The following PIK3R3 variants were observed in gnomAD, a reference collection of about 807,000 sequenced individuals.
PIK3R3 encodes phosphatidylinositol 3-kinase regulatory subunit gamma.
Under a neutral mutation model 62.9 loss-of-function variants are expected in PIK3R3, and 64 were observed. The observed-to-expected ratio is 1.02, with a 90% CI of 0.83 to 1.25. The LOEUF (loss-of-function observed/expected upper bound fraction) is 1.25, where lower values mean the gene tolerates loss of function less well. Ranked by LOEUF, PIK3R3 falls within the 50% of genes most tolerant of loss-of-function variation. The pLI is 0.00. For missense variants in PIK3R3, 614 were observed against 561.6 expected (o/e 1.09, Z -0.94); for synonymous variants, 165 against 189.0 (o/e 0.87, Z 1.04).
At chr1:46,088,113 G>A (rs75490316) in intron 1 of PIK3R3, among the ~76,000 whole-genome samples, 28,448 of 152,188 alleles carry the variant, frequency 0.19, 3,288 homozygotes, top group Non-Finnish European at 0.26. Context: ...AGCTGAGTGT[G>A]ATGGCTCATG....
chr1:46,118,188 A>G (rs1654353025), intron 1 of PIK3R3, among the ~76,000 whole-genome samples: 1 of 152,238 alleles, frequency 6.6e-6, no homozygotes, highest in African/African-American at 2.4e-5. Flanking sequence ...GCATATGGAG[A>G]AATACAAAGC....
intron 1 of PIK3R3, among the ~76,000 whole-genome samples, chr1:46,127,235 G>C (rs1934253): frequency 2.0e-5 from 3 of 151,576 alleles, no homozygotes; most frequent in African/African-American, 7.3e-5. Context: ...CCATCTCCTA[G>C]AGAGGCTGAA....
upstream of PIK3R3, chr1:46,132,831 A>C (rs371822200): frequency 3.6e-5 from 44 of 1,215,332 alleles, no homozygotes; most frequent in African/African-American, 6.1e-4. Context: ...GCTGCTCTCC[A>C]TCTCGACTTT....
intron 9 of PIK3R3, among the ~76,000 whole-genome samples, chr1:46,045,610 T>G (rs968887098): frequency 6.9e-6 from 1 of 143,888 alleles, no homozygotes; most frequent in South Asian, 2.2e-4. Flanking sequence ...TACTAAACAA[T>G]TAAGTGCTTT....
chr1:46,103,657 C>G (rs751014339), intron 1 of PIK3R3, among the ~76,000 whole-genome samples: 2 of 152,074 alleles, frequency 1.3e-5, no homozygotes, highest in African/African-American at 4.8e-5. Context: ...TGCAATAGCA[C>G]GATCTCGGCT....
chr1:46,072,920 CAG>C (rs1179112286), intron 3 of PIK3R3, among the ~76,000 whole-genome samples: 1 of 150,802 alleles, frequency 6.6e-6, no homozygotes, highest in Admixed American at 6.7e-5. Flanking sequence ...GCCTGAGTGA[CAG>C]AGAGAGACCC....
At chr1:46,049,274 T>TA (rs1198591871) in intron 7 of PIK3R3, among the ~76,000 whole-genome samples, 1 of 152,100 alleles carries the variant, frequency 6.6e-6, no homozygotes, top group Non-Finnish European at 1.5e-5. Flanking sequence ...ATGTATTATA[T>TA]AGTGTCCTTT....
At chr1:46,098,601 AC>A (rs1419582812) in intron 1 of PIK3R3, among the ~76,000 whole-genome samples, 1 of 152,256 alleles carries the variant, frequency 6.6e-6, no homozygotes, top group African/African-American at 2.4e-5. Context: ...AAGGCCATAT[AC>A]CATGTCATTC....
chr1:46,128,917 C>G (rs775717215), intron 1 of PIK3R3, among the ~76,000 whole-genome samples: 1 of 152,006 alleles, frequency 6.6e-6, no homozygotes, highest in Non-Finnish European at 1.5e-5. Flanking sequence ...ACTAACAATA[C>G]AAAAATTAGC....
intron 3 of PIK3R3, among the ~76,000 whole-genome samples, chr1:46,069,292 G>A (rs1333952867): frequency 6.6e-6 from 1 of 152,168 alleles, no homozygotes; most frequent in Non-Finnish European, 1.5e-5. Flanking sequence ...GGCCAAGGCA[G>A]GCAGATCACT....
At chr1:46,075,448 C>T (rs761039731) in intron 3 of PIK3R3, among the ~76,000 whole-genome samples, 1 of 152,098 alleles carries the variant, frequency 6.6e-6, no homozygotes, top group East Asian at 1.9e-4. Context: ...GACTCCATCT[C>T]TACAAAAAAT....
chr1:46,159,036 G>A, the PIK3R3 span, among the ~76,000 whole-genome samples: 44 of 151,926 alleles, frequency 2.9e-4, no homozygotes, highest in African/African-American at 8.5e-4. Context: ...GCAGTGAGCC[G>A]AGATGGCACC....
chr1:46,082,331 A>C (rs1034012678), intron 1 of PIK3R3, among the ~76,000 whole-genome samples: 17 of 152,190 alleles, frequency 1.1e-4, no homozygotes, highest in Non-Finnish European at 1.6e-4. Flanking sequence ...AATCTTCAAC[A>C]ATGTACAGGT....
chr1:46,150,641 G>A, the PIK3R3 span, among the ~76,000 whole-genome samples: 3 of 151,894 alleles, frequency 2.0e-5, no homozygotes, highest in African/African-American at 7.3e-5. Context: ...TTGAATTTTG[G>A]GGAATCCCCC....
At chr1:46,092,906 AATCCATTTTC>A (rs1480038952) in intron 1 of PIK3R3, among the ~76,000 whole-genome samples, 1 of 152,092 alleles carries the variant, frequency 6.6e-6, no homozygotes, top group Non-Finnish European at 1.5e-5. Context: ...ACTATAGCTC[AATCCATTTTC>A]ATGCTTTTAC....
Position 46,132,419 on chromosome 1 carries a change from C to A in PIK3R3, c.-467G>T. On this transcript the variant is annotated 5_prime_UTR_variant, in exon 1 of 10. Transcript: ENST00000262741. ...AGGCAAAAAAGGGGGCTGGAGATTG[C>A]GTTCAAGTTTCGGGGTCCCACTGGT... 8.7e-7 allele frequency: 1 copy of A among 1,144,702 alleles called. No homozygotes were observed. The allele number at this position is 1,144,702 out of a possible 1,614,324, so 70.9% of individuals were successfully genotyped here.
At chr1:46,075,835 T>G (rs1216471350) in intron 3 of PIK3R3, among the ~76,000 whole-genome samples, 2 of 152,096 alleles carry the variant, frequency 1.3e-5, no homozygotes, top group Non-Finnish European at 2.9e-5. Flanking sequence ...TCAGTCCAAT[T>G]CCTAAAGCCT....
chr1:46,165,963 C>T, the PIK3R3 span, among the ~76,000 whole-genome samples: 4 of 150,640 alleles, frequency 2.7e-5, no homozygotes, highest in South Asian at 2.1e-4. Context: ...TTAGTAGAGA[C>T]GGGGTTTCAC....
rs146446873 is a variant in PIK3R3 at position 46,050,474 on chromosome 1, A to G, written c.942-3849T>C. On this transcript the variant is annotated intron_variant, in intron 7 of 9. Coordinates refer to ENST00000262741, the MANE Select transcript of PIK3R3 (RefSeq NM_003629.4). Reference sequence around the variant, plus strand: ...CAGCTACTCAGGAGGCTGAGGCAAGAGAATTGCTTGAACCCAGGAGGCAGA... The same window carrying G: ...CAGCTACTCAGGAGGCTGAGGCAAGGGAATTGCTTGAACCCAGGAGGCAGA... Among the ~76,000 whole-genome samples, 859 of 152,106 alleles carry G rather than the reference A, an allele frequency of 5.6e-3. 5 individuals carry two copies. The highest frequency in any genetic ancestry group is 0.016 in the African/African-American group (679 of 41,480).
Sources: gnomAD v4.1 joint callset for allele counts (sites outside exome capture counted in the v4.1 genomes callset) on GRCh38, gnomAD v4.1.1 for gene constraint, MANE v1.5 for transcripts, NCBI Gene and HGNC (gene_info 2026-07-23, HGNC 2026-07-21) for gene names.